MALRD1: variants seen among roughly 807,000 people sequenced by gnomAD.
MALRD1 encodes MAM and LDL-receptor class A domain-containing protein 1.
Under a neutral mutation model 242.1 loss-of-function variants are expected in MALRD1, and 247 were observed. The observed-to-expected ratio is 1.02, with a 90% confidence interval of 0.92 to 1.13. The LOEUF (loss-of-function observed/expected upper bound fraction) is 1.13, where lower values mean the gene tolerates loss of function less well. Among genes scored for constraint, MALRD1 ranks in the 50% most tolerant of loss-of-function variants. The pLI is 0.00. For synonymous variants in MALRD1, 995 were observed against 866.6 expected (o/e 1.15, Z -2.60); for missense variants, 2,989 against 2,533.1 (o/e 1.18, Z -3.86).
At chr10:19,475,517 A>G (rs1412012553) in intron 29 of MALRD1, among the ~76,000 whole-genome samples, 4 of 152,236 alleles carry the variant, frequency 2.6e-5, no homozygotes, top group Non-Finnish European at 4.4e-5. Flanking sequence ...CTTGAGTCCC[A>G]GTGTCAATAA....
At chr10:19,560,999 T>C (rs1345276133) in intron 32 of MALRD1, among the ~76,000 whole-genome samples, 3 of 152,036 alleles carry the variant, frequency 2.0e-5, no homozygotes, top group African/African-American at 7.2e-5. Flanking sequence ...ATAAAAATAA[T>C]TTCCTGACTA....
chr10:19,372,639 T>C (rs1309719116), intron 26 of MALRD1, among the ~76,000 whole-genome samples: 1 of 151,884 alleles, frequency 6.6e-6, no homozygotes, highest in African/African-American at 2.4e-5. Context: ...GGCTAATTTT[T>C]GTATTTTTAG....
At chr10:19,333,762 CAGCAGTGTGTA>C (rs1843488492) in intron 24 of MALRD1, among the ~76,000 whole-genome samples, 1 of 152,014 alleles carries the variant, frequency 6.6e-6, no homozygotes, top group African/African-American at 2.4e-5. Context: ...ACATTCCCAC[CAGCAGTGTGTA>C]AGCTTTGCCT....
At chr10:19,689,798 G>C (rs574453571) in intron 36 of MALRD1, among the ~76,000 whole-genome samples, 1 of 152,144 alleles carries the variant, frequency 6.6e-6, no homozygotes, top group Non-Finnish European at 1.5e-5. Context: ...AAGGAAAATT[G>C]TTATGCAGGA....
intron 18 of MALRD1, among the ~76,000 whole-genome samples, chr10:19,238,853 T>C (rs1203640072): frequency 6.6e-6 from 1 of 151,574 alleles, no homozygotes; most frequent in East Asian, 1.9e-4. Context: ...AGTGTGTAAG[T>C]GTTCCCTTTT....
At chr10:19,054,340 A>G (rs1286869574) in intron 1 of MALRD1, among the ~76,000 whole-genome samples, 3 of 152,200 alleles carry the variant, frequency 2.0e-5, no homozygotes, top group Admixed American at 2.0e-4. Flanking sequence ...TAAATCAAGC[A>G]AAGTAATCCA....
At chr10:19,078,375 G>A (rs1182063338) in intron 2 of MALRD1, among the ~76,000 whole-genome samples, 1 of 150,746 alleles carries the variant, frequency 6.6e-6, no homozygotes, top group Non-Finnish European at 1.5e-5. Flanking sequence ...ATTTTTATGT[G>A]TTGAACCAAT....
chr10:19,206,698 A>G lies in MALRD1; in HGVS notation c.2578+1433A>G, dbSNP rs568564826. ...GTGTACATTACAGATCCACAAATCC[A>G]TGTTGGATTTCCTGAAATATATTGA... On this transcript the variant is annotated intron_variant, in intron 17 of 39. Coordinates refer to ENST00000454679, the MANE Select transcript of MALRD1 (RefSeq NM_001142308.3). 2.6e-5 allele frequency among the ~76,000 whole-genome samples: 4 copies of G among 152,304 alleles called. No homozygotes were observed. The East Asian group carries it at 7.7e-4, about 29-fold the overall frequency.
At chr10:19,075,896 G>A (rs974777288) in intron 2 of MALRD1, among the ~76,000 whole-genome samples, 1 of 151,988 alleles carries the variant, frequency 6.6e-6, no homozygotes, top group African/African-American at 2.4e-5. Flanking sequence ...GGGAAGAAAG[G>A]TTTATATTTT....
At chr10:19,654,539 A>C (rs1021161624) in intron 36 of MALRD1, among the ~76,000 whole-genome samples, 2 of 152,188 alleles carry the variant, frequency 1.3e-5, no homozygotes, top group Admixed American at 6.5e-5. Flanking sequence ...GCTTGTTCTG[A>C]CTATATTTGA....
At chr10:19,673,937 A>C (rs901900485) in intron 36 of MALRD1, among the ~76,000 whole-genome samples, 20 of 151,984 alleles carry the variant, frequency 1.3e-4, no homozygotes, top group African/African-American at 4.8e-4. Context: ...ATCTGGGTGC[A>C]TGTGTGTGTG....
At chr10:19,472,733 G>T (rs1359820418) in intron 29 of MALRD1, among the ~76,000 whole-genome samples, 1 of 151,672 alleles carries the variant, frequency 6.6e-6, no homozygotes, top group African/African-American at 2.4e-5. Context: ...TATCTCTGTG[G>T]TAACAGTGGT....
intron 29 of MALRD1, among the ~76,000 whole-genome samples, chr10:19,452,146 A>G (rs765288851): frequency 1.1e-4 from 17 of 152,332 alleles, no homozygotes; most frequent in Middle Eastern, 6.8e-3. Context: ...AACTTTCTCT[A>G]AGATTTTAGA....
At chr10:19,252,616 T>G (rs752633191) in intron 18 of MALRD1, among the ~76,000 whole-genome samples, 2 of 152,088 alleles carry the variant, frequency 1.3e-5, no homozygotes, top group African/African-American at 4.8e-5. Context: ...TGACTACTTA[T>G]ATATCCCAGC....
chr10:19,569,325 C>A (rs1836401229), intron 33 of MALRD1, among the ~76,000 whole-genome samples: 1 of 151,940 alleles, frequency 6.6e-6, no homozygotes, highest in South Asian at 2.1e-4. Flanking sequence ...TCTCCCATTT[C>A]TCCCTGGCAT....
intron 18 of MALRD1, among the ~76,000 whole-genome samples, chr10:19,239,095 G>C (rs929377302): frequency 6.8e-6 from 1 of 146,432 alleles, no homozygotes; most frequent in Non-Finnish European, 1.5e-5. Context: ...GTCTTGCTCT[G>C]TTGCCCAAGC....
chr10:19,338,342 C>T (rs1352109500), intron 24 of MALRD1, among the ~76,000 whole-genome samples: 1 of 152,078 alleles, frequency 6.6e-6, no homozygotes, highest in Non-Finnish European at 1.5e-5. Context: ...CCTCTCTACC[C>T]TTAAACAGCT....
rs1476933024 is a variant in MALRD1 at position 19,491,608 on chromosome 10, G to C, written c.5121G>C (p.Lys1707Asn). The C allele has an allele frequency of 1.3e-6, 2 of 1,549,972 alleles. No individual in the cohort carries two copies. Among genetic ancestry groups the C allele is most frequent in the African/African-American group, 1.4e-5 (1 of 73,032 alleles). Residue 1707 changes from lysine (K) to asparagine (N), a missense_variant, in exon 30 of 40, where the codon AAG becomes AAC. Coordinates refer to ENST00000454679, the MANE Select transcript of MALRD1 (RefSeq NM_001142308.3). ...CATCCCACCTTCTTTGTGACTATAA[G>C]CCAGACTGCTCTGATAGGTCTGATG... The part of the protein sequence containing the change: ...CIASHLLCDY[K>N]PDCSDRSDEA...
chr10:19,208,819 G>A (rs750037824), intron 17 of MALRD1, among the ~76,000 whole-genome samples: 1 of 152,118 alleles, frequency 6.6e-6, no homozygotes. Context: ...TTACCACTAG[G>A]AGCAATTAAA....
Sources: gnomAD v4.1 joint callset for allele counts (sites outside exome capture counted in the v4.1 genomes callset) on GRCh38, gnomAD v4.1.1 for gene constraint, MANE v1.5 for transcripts, NCBI Gene and HGNC (gene_info 2026-07-23, HGNC 2026-07-21) for gene names.